The following IGF2BP3 variants were observed in gnomAD, a reference collection of about 807,000 sequenced individuals.
The protein encoded by IGF2BP3 is insulin like growth factor 2 mRNA binding protein 3.
A neutral mutation model predicts 73.8 loss-of-function variants in IGF2BP3; 9 were observed. That is an observed-to-expected ratio of 0.12 (90% CI 0.07 to 0.21). The LOEUF is 0.21. IGF2BP3 is among the 10% of genes least tolerant of loss of function. IGF2BP3 has a pLI of 1.00. For missense variants in IGF2BP3, 542 were observed against 714.0 expected, an observed-to-expected ratio of 0.76 and a Z score of 2.75; for synonymous variants, 258 against 256.7, an observed-to-expected ratio of 1.01 and a Z score of -0.05.
intron 10 of IGF2BP3, among the ~76,000 whole-genome samples, chr7:23,340,772 T>C (rs1784688174): frequency 6.6e-6 from 1 of 152,162 alleles, no homozygotes; most frequent in Non-Finnish European, 1.5e-5. Flanking sequence ...ATACCATCAC[T>C]AGTCTCCTAT....
In IGF2BP3 at chr7:23,361,592, T is replaced by A; in HGVS notation, c.343A>T (p.Thr115Ser). ...GVVESCEQVN[T>S]DSETAVVNVT... is the part of the protein sequence containing the mutation. ...TTTACAACTGCAGTTTCCGAGTCAG[T>A]GTTCACTAGAGGAAGAGAAAAACGA... The change falls in exon 5 of 15, where the codon ACT becomes TCT. Residue 115 changes from threonine (T) to serine (S), a missense_variant. This residue lies in a region of IGF2BP3 where 239 missense variants were observed against 241.9 expected (regional missense o/e 0.99). Coordinates refer to ENST00000258729, the MANE Select transcript of IGF2BP3 (RefSeq NM_006547.3). The A allele has an allele frequency of 6.2e-7, 1 of 1,613,444 alleles. No homozygotes were observed. The highest frequency in any genetic ancestry group is 8.5e-7 in the Non-Finnish European group (1 of 1,179,696).
chr7:23,394,167 A>G (rs1409672791), intron 3 of IGF2BP3, among the ~76,000 whole-genome samples: 2 of 152,176 alleles, frequency 1.3e-5, no homozygotes, highest in African/African-American at 4.8e-5. Flanking sequence ...TAAAAAATCT[A>G]CTTCCCAAAA....
At chr7:23,331,240 A>G (rs1400576883) in intron 10 of IGF2BP3, among the ~76,000 whole-genome samples, 1 of 152,242 alleles carries the variant, frequency 6.6e-6, no homozygotes, top group Non-Finnish European at 1.5e-5. Context: ...TGTCAATTTT[A>G]AAAGTTTGTG....
intron 3 of IGF2BP3, among the ~76,000 whole-genome samples, chr7:23,417,222 T>C (rs964555242): frequency 5.3e-5 from 8 of 152,204 alleles, no homozygotes; most frequent in Admixed American, 3.3e-4. Context: ...ATGTAAATAA[T>C]CATTAAATTT....
At chr7:23,313,928 T>G (rs1319079369) in intron 12 of IGF2BP3, among the ~76,000 whole-genome samples, 1 of 152,228 alleles carries the variant, frequency 6.6e-6, no homozygotes, top group Non-Finnish European at 1.5e-5. Context: ...ATTAATAACC[T>G]AATAAAAACG....
At chr7:23,330,892 A>T (rs944969464) in intron 10 of IGF2BP3, among the ~76,000 whole-genome samples, 18 of 152,088 alleles carry the variant, frequency 1.2e-4, no homozygotes, top group African/African-American at 4.3e-4. Flanking sequence ...CCGCCTTCCA[A>T]GTTCAAGCTA....
intron 2 of IGF2BP3, among the ~76,000 whole-genome samples, chr7:23,447,550 G>C (rs191944939): frequency 6.2e-4 from 94 of 151,238 alleles, no homozygotes; most frequent in African/African-American, 1.7e-3. Context: ...GCTTGAACCT[G>C]GGTGCGGAGG....
At chr7:23,463,842 A>AG (rs1459915296) in intron 2 of IGF2BP3, among the ~76,000 whole-genome samples, 2 of 152,240 alleles carry the variant, frequency 1.3e-5, no homozygotes, top group East Asian at 3.8e-4. Context: ...ATATGAAATT[A>AG]GGAAAAAAAA....
intron 5 of IGF2BP3, among the ~76,000 whole-genome samples, chr7:23,356,329 G>A (rs1402521013): frequency 6.6e-6 from 1 of 152,166 alleles, no homozygotes; most frequent in African/African-American, 2.4e-5. Flanking sequence ...AGGCCAAGGA[G>A]GGAGGATCAC....
At position 23,311,679 on chromosome 7, in the gene IGF2BP3, T is replaced by G. The variant is rs2128490459; in HGVS notation, c.*683A>C. 6.5e-6 allele frequency: 1 copy of G among 152,700 alleles called. No individual in the cohort carries two copies. The highest frequency in any genetic ancestry group is 3.4e-3 in the Middle Eastern group (1 of 294). The allele number at this position is 152,700 out of a possible 1,614,324, so 9.5% of individuals were successfully genotyped here. ...AATCTTAATTTGCCTGTTAGCTGAT[T>G]GCTGTTAAATTTTAAATTTATTTTT... On this transcript the variant is annotated 3_prime_UTR_variant, in exon 15 of 15. Transcript: ENST00000258729.
intron 3 of IGF2BP3, among the ~76,000 whole-genome samples, chr7:23,409,132 G>A (rs1320328059): frequency 6.6e-6 from 1 of 152,158 alleles, no homozygotes; most frequent in African/African-American, 2.4e-5. Flanking sequence ...CTGTCAGGAG[G>A]TGAAGCTTAG....
intron 2 of IGF2BP3, among the ~76,000 whole-genome samples, chr7:23,452,279 C>A (rs1423599127): frequency 6.6e-6 from 1 of 152,034 alleles, no homozygotes; most frequent in Admixed American, 6.6e-5. Flanking sequence ...GCTGGAATTA[C>A]AGGCGTGAGC....
chr7:23,355,545 A>T lies in IGF2BP3; in HGVS notation c.402-3959T>A, dbSNP rs114336295. 8.9e-3 allele frequency among the ~76,000 whole-genome samples: 1,361 copies of T among 152,164 alleles called. 21 individuals carry two copies. Among genetic ancestry groups the T allele is most frequent in the African/African-American group, 0.031 (1,279 of 41,492 alleles). ...AGCGCCAGACCAGGATCCTGTCATC[A>T]TTACTTAACTCTTTGCTCTTGGTGC... On this transcript the variant is annotated intron_variant, in intron 5 of 14. Transcript: ENST00000258729.
intron 10 of IGF2BP3, among the ~76,000 whole-genome samples, chr7:23,340,174 A>G (rs145438075): frequency 5.9e-5 from 9 of 152,268 alleles, no homozygotes; most frequent in African/African-American, 1.9e-4. Context: ...TTAGCATCAA[A>G]GTAAAAACAT....
intron 2 of IGF2BP3, among the ~76,000 whole-genome samples, chr7:23,427,057 A>C (rs1310736413): frequency 6.6e-6 from 1 of 152,218 alleles, no homozygotes. Flanking sequence ...TGTGGTGGAC[A>C]ATCAATCCCA....
At chr7:23,437,222 C>T (rs1206421690) in intron 2 of IGF2BP3, among the ~76,000 whole-genome samples, 2 of 152,154 alleles carry the variant, frequency 1.3e-5, no homozygotes, top group East Asian at 3.9e-4. Flanking sequence ...TGGCTCATGC[C>T]TGTAATCTCA....
chr7:23,406,424 C>T lies in IGF2BP3; in HGVS notation c.285+12352G>A, dbSNP rs147561145. On this transcript the variant is annotated intron_variant, in intron 3 of 14. Coordinates refer to ENST00000258729, the MANE Select transcript of IGF2BP3 (RefSeq NM_006547.3). ...TCAAGAATGAAGCCGTGGACTCCCA[C>T]GGTGAGTGTTACAGTTCTTAAAGAT... 4.1e-3 allele frequency among the ~76,000 whole-genome samples: 618 copies of T among 152,230 alleles called. 5 individuals carry two copies. Among genetic ancestry groups the T allele is most frequent in the African/African-American group, 0.013 (555 of 41,530 alleles).
At chr7:23,412,616 C>A (rs932565495) in intron 3 of IGF2BP3, among the ~76,000 whole-genome samples, 3 of 152,138 alleles carry the variant, frequency 2.0e-5, no homozygotes, top group Non-Finnish European at 4.4e-5. Context: ...TCACCTTCCT[C>A]ATCAGCCCCC....
chr7:23,336,714 G>A (rs559205479), intron 10 of IGF2BP3, among the ~76,000 whole-genome samples: 18 of 152,242 alleles, frequency 1.2e-4, no homozygotes, highest in East Asian at 3.9e-4. Flanking sequence ...TTGGGAGGCC[G>A]AGATGGGTGG....
Sources: gnomAD v4.1 joint callset for allele counts (sites outside exome capture counted in the v4.1 genomes callset) on GRCh38, gnomAD v4.1.1 for gene constraint, gnomAD v4.1.1 regional missense constraint, MANE v1.5 for transcripts, NCBI Gene and HGNC (gene_info 2026-07-23, HGNC 2026-07-21) for gene names.